The following TBCA variants were observed in gnomAD, a reference collection of about 807,000 sequenced individuals.
TBCA encodes tubulin folding cofactor A, also known as tubulin-specific chaperone A.
A neutral mutation model predicts 15.8 loss-of-function variants in TBCA; 6 were observed. The ratio of observed to expected loss-of-function variants is 0.38; its 90% confidence interval spans 0.21 to 0.75. The LOEUF (loss-of-function observed/expected upper bound fraction) is 0.75. TBCA is among the 30% of genes least tolerant of loss of function. TBCA has a pLI of 0.46. For synonymous variants in TBCA, 32 were observed against 42.3 expected (o/e 0.76, Z 0.94); for missense variants, 90 against 131.2 (o/e 0.69, Z 1.53).
intron 1 of TBCA, among the ~76,000 whole-genome samples, chr5:77,716,711 T>A (rs1308887270): frequency 6.6e-6 from 1 of 152,220 alleles, no homozygotes. Flanking sequence ...GCTACTAATT[T>A]AAGTAATTCT....
chr5:77,715,079 T>C (rs568348677), intron 1 of TBCA: 32 of 580,912 alleles, frequency 5.5e-5, no homozygotes, highest in East Asian at 5.2e-4. Context: ...CAATTTAAAA[T>C]AGGATTGTCT....
chr5:77,692,345 A>G, intron 3 of TBCA: 1 of 985,396 alleles, frequency 1.0e-6, no homozygotes, highest in Non-Finnish European at 1.2e-6. Flanking sequence ...TACCTTAAAC[A>G]CATCTTTGTT....
chr5:77,764,190 T>C (rs1747720772), intron 1 of TBCA, among the ~76,000 whole-genome samples: 1 of 152,166 alleles, frequency 6.6e-6, no homozygotes, highest in African/African-American at 2.4e-5. Context: ...ACAAATAAAA[T>C]TATATTTTAA....
chr5:77,745,532 T>G (rs1161081944), intron 1 of TBCA, among the ~76,000 whole-genome samples: 1 of 152,198 alleles, frequency 6.6e-6, no homozygotes, highest in Non-Finnish European at 1.5e-5. Context: ...AGTTTAAACC[T>G]GAATATCTGA....
At chr5:77,732,423 C>T (rs759150138) in intron 1 of TBCA, among the ~76,000 whole-genome samples, 11 of 151,636 alleles carry the variant, frequency 7.3e-5, no homozygotes, top group South Asian at 2.1e-4. Flanking sequence ...TGGTGACGGG[C>T]GCCTGTAGGC....
At chr5:77,708,764 T>C (rs1746207596) in intron 1 of TBCA, among the ~76,000 whole-genome samples, 1 of 151,656 alleles carries the variant, frequency 6.6e-6, no homozygotes, top group Non-Finnish European at 1.5e-5. Context: ...AGAGATGGGG[T>C]TTCACCATGT....
intron 1 of TBCA, among the ~76,000 whole-genome samples, chr5:77,721,642 C>A (rs1016145148): frequency 2.0e-5 from 3 of 152,030 alleles, no homozygotes; most frequent in Admixed American, 2.0e-4. Context: ...TAAAAAACTA[C>A]GTTATAAGTC....
rs140137966 is a variant in TBCA at position 77,718,404 on chromosome 5, C to A, written c.54-10057G>T. ...GTGCTTCAAAGGAAACAATATGGCACCAGGAAGTGTATCCACTTACTACTT... is the reference window on the plus strand; with the variant it reads ...GTGCTTCAAAGGAAACAATATGGCAACAGGAAGTGTATCCACTTACTACTT... On this transcript the variant is annotated intron_variant, in intron 1 of 3. Coordinates refer to ENST00000380377, the MANE Select transcript of TBCA (RefSeq NM_004607.3). Among the ~76,000 whole-genome samples, 11 of 152,118 alleles carry A rather than the reference C, an allele frequency of 7.2e-5. No individual in the cohort carries two copies. In the East Asian group the frequency reaches 1.9e-3, roughly 27 times the overall value.
At chr5:77,727,545 G>A (rs533369788) in intron 1 of TBCA, among the ~76,000 whole-genome samples, 1 of 152,046 alleles carries the variant, frequency 6.6e-6, no homozygotes, top group South Asian at 2.1e-4. Context: ...TCAGGTAAAT[G>A]TATTATCAGC....
intron 2 of TBCA, among the ~76,000 whole-genome samples, chr5:77,696,124 C>G (rs776058758): frequency 1.2e-4 from 18 of 152,178 alleles, no homozygotes; most frequent in Non-Finnish European, 2.1e-4. Context: ...TAGGTTATTG[C>G]TTGATTGTGA....
chr5:77,765,993 G>C (rs999615735), intron 1 of TBCA, among the ~76,000 whole-genome samples: 1 of 151,774 alleles, frequency 6.6e-6, no homozygotes, highest in Non-Finnish European at 1.5e-5. Context: ...TCATATACAT[G>C]TATACTGCAT....
chr5:77,728,926 G>A (rs1746693689), intron 1 of TBCA, among the ~76,000 whole-genome samples: 1 of 152,130 alleles, frequency 6.6e-6, no homozygotes, highest in South Asian at 2.1e-4. Context: ...CCCGCCATAA[G>A]TGGACTCATG....
chr5:77,707,272 G>T (rs1036783447), intron 2 of TBCA, among the ~76,000 whole-genome samples: 3 of 152,150 alleles, frequency 2.0e-5, no homozygotes, highest in Admixed American at 2.0e-4. Context: ...TTCCCTAACG[G>T]CCTCTATTTT....
At chr5:77,744,336 ATGC>A (rs1157736306) in intron 1 of TBCA, among the ~76,000 whole-genome samples, 1 of 151,944 alleles carries the variant, frequency 6.6e-6, no homozygotes, top group Non-Finnish European at 1.5e-5. Flanking sequence ...GACGTCAGGG[ATGC>A]TGCTAAATAC....
At chr5:77,703,721 G>C (rs551652558) in intron 2 of TBCA, among the ~76,000 whole-genome samples, 1 of 151,944 alleles carries the variant, frequency 6.6e-6, no homozygotes. Flanking sequence ...GGACTTTTGG[G>C]TGCACACCAC....
intron 1 of TBCA, among the ~76,000 whole-genome samples, chr5:77,730,124 T>C (rs1746731560): frequency 6.6e-6 from 1 of 152,354 alleles, no homozygotes; most frequent in East Asian, 1.9e-4. Flanking sequence ...AGACGTTGTA[T>C]TGGATTGAAT....
intron 1 of TBCA, among the ~76,000 whole-genome samples, chr5:77,764,849 A>G (rs903776610): frequency 1.3e-5 from 2 of 152,128 alleles, no homozygotes; most frequent in Admixed American, 1.3e-4. Context: ...TAAATTCTCC[A>G]TCCCAAACAA....
At chr5:77,751,653 T>C (rs1378580652) in intron 1 of TBCA, among the ~76,000 whole-genome samples, 1 of 152,160 alleles carries the variant, frequency 6.6e-6, no homozygotes, top group Non-Finnish European at 1.5e-5. Flanking sequence ...CCCATAGCAC[T>C]GTAACCGCCC....
chr5:77,747,058 T>C (rs1390840988), intron 1 of TBCA, among the ~76,000 whole-genome samples: 2 of 152,182 alleles, frequency 1.3e-5, no homozygotes, highest in African/African-American at 4.8e-5. Context: ...TACTCTAATG[T>C]GGAGGGAGTC....
Sources: allele counts gnomAD v4.1 joint callset (sites outside exome capture counted in the v4.1 genomes callset), GRCh38; gene constraint gnomAD v4.1.1; transcripts MANE v1.5; gene names NCBI Gene and HGNC (gene_info 2026-07-23, HGNC 2026-07-21).